Variants in RPS6KC1 observed in about 807,000 individuals in gnomAD.
RPS6KC1 encodes ribosomal protein S6 kinase C1.
Under a neutral mutation model 103.8 loss-of-function variants are expected in RPS6KC1, and 54 were observed. The observed-to-expected ratio is 0.52, with a 90% CI of 0.42 to 0.65. RPS6KC1 has a LOEUF of 0.65. Ranked by LOEUF, RPS6KC1 falls within the 30% of genes least tolerant of loss-of-function variation. RPS6KC1 has a pLI of 0.00. For synonymous variants in RPS6KC1, 439 were observed against 438.7 expected (o/e 1.00, Z -0.01); for missense variants, 1,151 against 1,253.8 (o/e 0.92, Z 1.24).
intron 8 of RPS6KC1, among the ~76,000 whole-genome samples, chr1:213,196,098 C>G (rs958148762): frequency 2.6e-5 from 4 of 152,124 alleles, no homozygotes; most frequent in Non-Finnish European, 5.9e-5. Flanking sequence ...TTTCCACTAG[C>G]AGTGTAGAAG....
chr1:213,591,640 C>T, the RPS6KC1 span, among the ~76,000 whole-genome samples: 5 of 152,312 alleles, frequency 3.3e-5, no homozygotes, highest in African/African-American at 1.2e-4. Flanking sequence ...ACTTCTTAAA[C>T]TTACAGTCAC....
At chr1:213,830,522 G>T in the RPS6KC1 span, among the ~76,000 whole-genome samples, 1 of 151,974 alleles carries the variant, frequency 6.6e-6, no homozygotes, top group African/African-American at 2.4e-5. Context: ...GCTAATCCCG[G>T]TATAAAGACT....
chr1:213,248,244 T>C lies in RPS6KC1; in HGVS notation c.2911+5586T>C, dbSNP rs761257148. The stretch of plus-strand genomic sequence containing the variant: ...AGAAGGTGGCAGCAAGAGGGAACTA[T>C]AGGAATAATTTTGAGTAAAATATTT... On this transcript the variant is annotated intron_variant, in intron 12 of 14. Transcript: ENST00000366960. Among the ~76,000 whole-genome samples, 175 of 152,270 alleles carry C rather than the reference T, an allele frequency of 1.1e-3. 1 individual carries two copies. The highest frequency in any genetic ancestry group is 2.0e-3 in the Admixed American group (31 of 15,282).
chr1:213,315,812 T>C, the RPS6KC1 span, among the ~76,000 whole-genome samples: 6,954 of 152,322 alleles, frequency 0.046, 220 homozygotes, highest in African/African-American at 0.087. Context: ...CAAATGGTTA[T>C]TGTGAGAACT....
the RPS6KC1 span, among the ~76,000 whole-genome samples, chr1:213,769,642 A>T: frequency 3.3e-5 from 5 of 152,124 alleles, no homozygotes; most frequent in Non-Finnish European, 5.9e-5. Context: ...GGAATTCCAT[A>T]TAGTGTCAGC....
At position 213,085,093 on chromosome 1, in the gene RPS6KC1, T is replaced by C. The variant is rs1339784022; in HGVS notation, c.262+7277T>C. Among the ~76,000 whole-genome samples, 6 of 152,232 alleles carry C rather than the reference T, an allele frequency of 3.9e-5. No individual in the cohort carries two copies. In the East Asian group the frequency reaches 1.2e-3, roughly 29 times the overall value. On this transcript the variant is annotated intron_variant, in intron 3 of 14. Coordinates refer to ENST00000366960, the MANE Select transcript of RPS6KC1 (RefSeq NM_012424.6). ...GGCCAAAGTCTGAAATTGGTATCAC[T>C]GGGCTGAAATCAAGGTGTTGGCAGG...
the RPS6KC1 span, among the ~76,000 whole-genome samples, chr1:213,783,579 G>A: frequency 1.3e-5 from 2 of 152,144 alleles, no homozygotes; most frequent in South Asian, 2.1e-4. Context: ...TTCAAAAGGC[G>A]AGGTGGTATT....
chr1:213,764,158 A>G, the RPS6KC1 span, among the ~76,000 whole-genome samples: 1 of 152,214 alleles, frequency 6.6e-6, no homozygotes, highest in East Asian at 1.9e-4. Context: ...TATCACCTTC[A>G]TGCACTTGTT....
intron 12 of RPS6KC1, among the ~76,000 whole-genome samples, chr1:213,258,871 G>A (rs1032513612): frequency 6.6e-6 from 1 of 152,164 alleles, no homozygotes; most frequent in Non-Finnish European, 1.5e-5. Flanking sequence ...TGGGGGTGAG[G>A]GTTATGTATT....
At chr1:213,589,485 C>G in the RPS6KC1 span, among the ~76,000 whole-genome samples, 1 of 151,956 alleles carries the variant, frequency 6.6e-6, no homozygotes, top group Non-Finnish European at 1.5e-5. Flanking sequence ...ATTAAAAATA[C>G]AAAAATATTA....
chr1:213,706,125 A>G, the RPS6KC1 span, among the ~76,000 whole-genome samples: 2 of 152,098 alleles, frequency 1.3e-5, no homozygotes, highest in African/African-American at 4.8e-5. Context: ...CCCCCAGTCC[A>G]CTAACTCTGG....
the RPS6KC1 span, among the ~76,000 whole-genome samples, chr1:213,629,527 A>C: frequency 2.6e-5 from 4 of 152,010 alleles, no homozygotes; most frequent in Non-Finnish European, 4.4e-5. Context: ...TGGATCTTGA[A>C]TCTTTATCCA....
chr1:213,577,930 G>A, the RPS6KC1 span, among the ~76,000 whole-genome samples: 2 of 152,234 alleles, frequency 1.3e-5, no homozygotes, highest in African/African-American at 2.4e-5. Flanking sequence ...CATAAGTAAC[G>A]AGGAGCCGAA....
the RPS6KC1 span, among the ~76,000 whole-genome samples, chr1:213,529,021 T>C: frequency 2.6e-5 from 4 of 152,106 alleles, no homozygotes; most frequent in African/African-American, 9.7e-5. Flanking sequence ...GGGCTAGACA[T>C]TAGGAACGAA....
the RPS6KC1 span, among the ~76,000 whole-genome samples, chr1:213,489,542 G>T: frequency 3.9e-5 from 6 of 152,282 alleles, 1 homozygote; most frequent in Admixed American, 2.6e-4. Flanking sequence ...AGATGCCAAG[G>T]ATACAAAGAA....
In RPS6KC1 at chr1:213,137,799, ATTTTTT is replaced by A. The variant is rs869154560; in HGVS notation, c.835+7932_835+7937del. Among the ~76,000 whole-genome samples, 46 of 13,970 alleles carry A rather than the reference ATTTTTT, an allele frequency of 3.3e-3. 1 individual carries two copies. The highest frequency in any genetic ancestry group is 7.2e-3 in the African/African-American group (39 of 5,420). The allele number at this position is 13,970 out of a possible 152,430, so 9.2% of individuals were successfully genotyped here. ...TCTCTATATATATATATATATATATATTTTTTTTTTTTTTTTTTTTTTTTTTTCCTT... is the reference window on the plus strand; with the variant it reads ...TCTCTATATATATATATATATATATATTTTTTTTTTTTTTTTTTTTTCCTT... On this transcript the variant is annotated intron_variant, in intron 6 of 14. Transcript: ENST00000366960.
the RPS6KC1 span, among the ~76,000 whole-genome samples, chr1:213,728,895 C>T: frequency 7.1e-6 from 1 of 140,150 alleles, no homozygotes. Flanking sequence ...TAATGGCAGT[C>T]AGAAGTATAA....
At chr1:213,644,475 T>C in the RPS6KC1 span, among the ~76,000 whole-genome samples, 2 of 152,088 alleles carry the variant, frequency 1.3e-5, no homozygotes, top group Admixed American at 6.6e-5. Flanking sequence ...GAGTACAGTA[T>C]CATACAGGGT....
chr1:213,149,693 T>G (rs1269455720), intron 6 of RPS6KC1, among the ~76,000 whole-genome samples: 1 of 151,896 alleles, frequency 6.6e-6, no homozygotes. Flanking sequence ...AGCCTGATGT[T>G]TCTTTGTTGC....
Sources: allele counts gnomAD v4.1 joint callset (sites outside exome capture counted in the v4.1 genomes callset), GRCh38; gene constraint gnomAD v4.1.1; transcripts MANE v1.5; gene names NCBI Gene and HGNC (gene_info 2026-07-23, HGNC 2026-07-21).